The following CHCHD6 variants were observed in gnomAD, a reference collection of about 807,000 sequenced individuals.
The protein encoded by CHCHD6 is coiled-coil-helix-coiled-coil-helix domain containing 6.
In CHCHD6, 28 loss-of-function variants were observed where a neutral mutation model predicts 32.3. The ratio of observed to expected loss-of-function variants is 0.87; its 90% CI spans 0.64 to 1.19. CHCHD6 has a LOEUF of 1.19. Among genes scored for constraint, CHCHD6 ranks in the 50% most tolerant of loss-of-function variants. The probability of loss-of-function intolerance (pLI) is 0.00; values close to 1 mark genes in which losing one functional copy is unlikely to be tolerated. For synonymous variants in CHCHD6, 122 were observed against 117.5 expected, an observed-to-expected ratio of 1.04 and a Z score of -0.25; for missense variants, 333 against 307.0, an observed-to-expected ratio of 1.08 and a Z score of -0.63.
intron 4 of CHCHD6, among the ~76,000 whole-genome samples, chr3:126,754,058 A>G (rs1936848775): frequency 6.6e-6 from 1 of 152,198 alleles, no homozygotes; most frequent in African/African-American, 2.4e-5. Flanking sequence ...CTGATCTGTA[A>G]TCTCTGGTTT....
At chr3:126,803,907 A>T (rs566517977) in intron 4 of CHCHD6, among the ~76,000 whole-genome samples, 1 of 152,186 alleles carries the variant, frequency 6.6e-6, no homozygotes, top group Non-Finnish European at 1.5e-5. Context: ...GGATTAAGAA[A>T]CTCACTCAAA....
At chr3:126,839,686 G>A (rs1044440481) in intron 4 of CHCHD6, among the ~76,000 whole-genome samples, 2 of 152,058 alleles carry the variant, frequency 1.3e-5, no homozygotes, top group African/African-American at 2.4e-5. Flanking sequence ...CTGGATTACT[G>A]CATCGGCTCT....
At chr3:126,931,064 G>A (rs760639096) in intron 6 of CHCHD6, among the ~76,000 whole-genome samples, 64 of 152,306 alleles carry the variant, frequency 4.2e-4, no homozygotes, top group Middle Eastern at 3.4e-3. Context: ...GTCCTGGGGC[G>A]GCCGGCTCTC....
At chr3:126,840,829 G>A (rs944658957) in intron 4 of CHCHD6, among the ~76,000 whole-genome samples, 27 of 151,840 alleles carry the variant, frequency 1.8e-4, no homozygotes, top group African/African-American at 6.0e-4. Flanking sequence ...TAATTTCTCC[G>A]TTGTATGGGT....
intron 4 of CHCHD6, chr3:126,766,702 A>G: frequency 8.9e-7 from 1 of 1,118,080 alleles, no homozygotes; most frequent in Non-Finnish European, 1.4e-6. Context: ...CAGGCTCTGG[A>G]TTATCCAGCC....
chr3:126,760,651 G>A (rs767652679), intron 4 of CHCHD6, among the ~76,000 whole-genome samples: 9 of 152,276 alleles, frequency 5.9e-5, no homozygotes, highest in African/African-American at 1.4e-4. Flanking sequence ...AGGTTTATCC[G>A]TGTTATAGCA....
intron 4 of CHCHD6, among the ~76,000 whole-genome samples, chr3:126,757,785 G>A (rs1471603176): frequency 6.6e-6 from 1 of 152,198 alleles, no homozygotes; most frequent in Non-Finnish European, 1.5e-5. Flanking sequence ...AGCTCTGGGA[G>A]TATGAGCCCA....
At chr3:126,772,246 T>G (rs921129044) in intron 4 of CHCHD6, among the ~76,000 whole-genome samples, 13 of 152,070 alleles carry the variant, frequency 8.5e-5, no homozygotes, top group Non-Finnish European at 1.5e-4. Context: ...GGACTACAGG[T>G]GCCCGCAACC....
At chr3:126,803,723 T>G (rs1442956871) in intron 4 of CHCHD6, among the ~76,000 whole-genome samples, 2 of 152,294 alleles carry the variant, frequency 1.3e-5, no homozygotes, top group African/African-American at 4.8e-5. Flanking sequence ...CTAATAGACA[T>G]CTACAGAACT....
chr3:126,734,894 G>C (rs1041750424), intron 4 of CHCHD6, among the ~76,000 whole-genome samples: 1 of 152,140 alleles, frequency 6.6e-6, no homozygotes, highest in Non-Finnish European at 1.5e-5. Context: ...AGCCCGCATC[G>C]ATCCTGAAAC....
chr3:126,821,432 G>A (rs1238418590), intron 4 of CHCHD6, among the ~76,000 whole-genome samples: 1 of 152,018 alleles, frequency 6.6e-6, no homozygotes, highest in East Asian at 1.9e-4. Context: ...CGAGTAGCTG[G>A]GATTACAGGT....
chr3:126,717,735 C>T (rs1046114247), intron 1 of CHCHD6, among the ~76,000 whole-genome samples: 2 of 151,954 alleles, frequency 1.3e-5, no homozygotes, highest in African/African-American at 2.4e-5. Flanking sequence ...GATCTGGGTT[C>T]CAAATGCATT....
chr3:126,865,065 TTTTCCACCA>T, intron 5 of CHCHD6, among the ~76,000 whole-genome samples: 1 of 121,808 alleles, frequency 8.2e-6, no homozygotes, highest in Admixed American at 7.9e-5. Flanking sequence ...CTCCTCCTCC[TTTTCCACCA>T]CCTCCACTTC....
At chr3:126,957,798 T>A in intron 7 of CHCHD6, 1 of 574,732 alleles carries the variant, frequency 1.7e-6, no homozygotes, top group Non-Finnish European at 3.1e-6. Flanking sequence ...TTTGCCCTAT[T>A]AGGCTGGGTG....
rs1369348051 is a variant in CHCHD6 at position 126,840,906 on chromosome 3, T to A, written c.412-11741T>A. Among the ~76,000 whole-genome samples the A allele has an allele frequency of 2.6e-5, 4 of 151,946 alleles. No individual in the cohort carries two copies. In the East Asian group the frequency reaches 7.7e-4, roughly 29 times the overall value. On this transcript the variant is annotated intron_variant, in intron 4 of 7. Coordinates refer to ENST00000290913, the MANE Select transcript of CHCHD6 (RefSeq NM_032343.3). ...TTATTTATTTTTAATTTATTTTTTT[T>A]ATTATACTTTAAGTTTTAGGGTACA...
At chr3:126,728,153 A>G (rs138842468) in intron 2 of CHCHD6, among the ~76,000 whole-genome samples, 116 of 152,270 alleles carry the variant, frequency 7.6e-4, no homozygotes, top group Admixed American at 1.9e-3. Context: ...TATCCTGCCC[A>G]CTTAGTGTTT....
intron 5 of CHCHD6, among the ~76,000 whole-genome samples, chr3:126,898,744 G>A (rs1358195181): frequency 6.6e-6 from 1 of 152,078 alleles, no homozygotes; most frequent in Non-Finnish European, 1.5e-5. Context: ...TCACCATGTT[G>A]GCCAGGCTGG....
chr3:126,838,462 C>A (rs1257745442), intron 4 of CHCHD6, among the ~76,000 whole-genome samples: 1 of 152,214 alleles, frequency 6.6e-6, no homozygotes, highest in Non-Finnish European at 1.5e-5. Context: ...TCTGCCCCTC[C>A]TCACTCTTCC....
At chr3:126,845,166 T>G (rs1559877156) in intron 4 of CHCHD6, among the ~76,000 whole-genome samples, 1 of 152,148 alleles carries the variant, frequency 6.6e-6, no homozygotes. Flanking sequence ...TTGATGTAAT[T>G]TCTGATGTGA....
Sources: allele counts gnomAD v4.1 joint callset (sites outside exome capture counted in the v4.1 genomes callset), GRCh38; gene constraint gnomAD v4.1.1; transcripts MANE v1.5; gene names NCBI Gene and HGNC (gene_info 2026-07-23, HGNC 2026-07-21).